Variants in ARHGEF28 observed in about 807,000 individuals in gnomAD.
ARHGEF28 encodes the protein 190 kDa guanine nucleotide exchange factor.
In ARHGEF28, 152 loss-of-function variants were observed where a neutral mutation model predicts 206.6. The ratio of observed to expected loss-of-function variants is 0.74; its 90% CI spans 0.64 to 0.84. The LOEUF is 0.84. ARHGEF28 is among the 40% of genes least tolerant of loss of function. The pLI is 0.00. For missense variants in ARHGEF28, 2,028 were observed against 2,073.2 expected (o/e 0.98, Z 0.42); for synonymous variants, 763 against 776.4 (o/e 0.98, Z 0.29).
intron 16 of ARHGEF28, among the ~76,000 whole-genome samples, chr5:73,864,166 T>A (rs1388032479): frequency 6.6e-6 from 1 of 152,196 alleles, no homozygotes; most frequent in Non-Finnish European, 1.5e-5. Flanking sequence ...CAGCTTTCCA[T>A]GAGGACAGCC....
chr5:73,885,767 A>G (rs1761242399), intron 24 of ARHGEF28, 83 bp from the exon 25 acceptor site: 1 of 1,358,734 alleles, frequency 7.4e-7, no homozygotes, highest in Non-Finnish European at 9.8e-7. Context: ...ACTATATTTT[A>G]AAACTAAAGA....
At chr5:73,735,942 C>A (rs1485689818) in intron 2 of ARHGEF28, among the ~76,000 whole-genome samples, 1 of 152,322 alleles carries the variant, frequency 6.6e-6, no homozygotes, top group East Asian at 1.9e-4. Context: ...GTTACTCCCT[C>A]TCCCATCCAT....
At chr5:73,907,046 C>T (rs1394632607) in intron 33 of ARHGEF28, among the ~76,000 whole-genome samples, 1 of 152,174 alleles carries the variant, frequency 6.6e-6, no homozygotes, top group Non-Finnish European at 1.5e-5. Context: ...TGTTAAATCA[C>T]AGTGGTAATA....
chr5:73,867,656 A>T (rs1480309553), intron 18 of ARHGEF28, among the ~76,000 whole-genome samples: 2 of 152,182 alleles, frequency 1.3e-5, no homozygotes, highest in Non-Finnish European at 2.9e-5. Flanking sequence ...CCAAGTGGAG[A>T]TGCGGAAGCA....
At chr5:73,759,118 C>T (rs553717039) in intron 4 of ARHGEF28, among the ~76,000 whole-genome samples, 1 of 150,500 alleles carries the variant, frequency 6.6e-6, no homozygotes, top group South Asian at 2.1e-4. Context: ...CCAAAGAAAA[C>T]CAATTGGTGG....
intron 16 of ARHGEF28, chr5:73,863,368 T>C (rs1759513639): frequency 6.6e-6 from 1 of 152,176 alleles, no homozygotes; most frequent in South Asian, 2.1e-4. Context: ...GTAAGTATGA[T>C]TTCTGCTATC....
intron 15 of ARHGEF28, 133 bp from the exon 16 acceptor site, chr5:73,857,954 C>T: frequency 7.1e-7 from 1 of 1,405,622 alleles, no homozygotes; most frequent in Non-Finnish European, 9.6e-7. Flanking sequence ...TGGTGTCCCT[C>T]TGTGTGCAGT....
intron 2 of ARHGEF28, among the ~76,000 whole-genome samples, chr5:73,723,953 G>T (rs1206417321): frequency 6.6e-6 from 1 of 152,224 alleles, no homozygotes; most frequent in African/African-American, 2.4e-5. Context: ...AAAGTATCAG[G>T]CCTCTGTCTC....
At chr5:73,756,314 G>A (rs77623777) in intron 4 of ARHGEF28, among the ~76,000 whole-genome samples, 1,844 of 152,290 alleles carry the variant, frequency 0.012, 26 homozygotes, top group Middle Eastern at 0.041. Context: ...GTAGAAAGCA[G>A]ATACAATTGG....
In ARHGEF28 at chr5:73,813,432, T is replaced by G. The variant is rs540935855; in HGVS notation, c.1024+18041T>G. 1.0e-5 allele frequency: 14 copies of G among 1,391,038 alleles called. No homozygotes were observed. In the African/African-American group the frequency reaches 1.9e-4, roughly 19 times the overall value. The allele number at this position is 1,391,038 out of a possible 1,614,324, so 86.2% of individuals were successfully genotyped here. A position where few individuals can be genotyped will look rare whatever the true frequency, so the allele number is the denominator to read the frequency against. ...CTGAATGCCCGAAGGAAGCAAAACATTTATTGCCTTTCCCTCCCTGGTGTG... is the reference window on the plus strand; with the variant it reads ...CTGAATGCCCGAAGGAAGCAAAACAGTTATTGCCTTTCCCTCCCTGGTGTG... On this transcript the variant is annotated intron_variant, in intron 9 of 35. Coordinates refer to ENST00000513042, the MANE Select transcript of ARHGEF28 (RefSeq NM_001177693.2).
At chr5:73,923,204 A>G in intron 35 of ARHGEF28, 3 of 1,493,256 alleles carry the variant, frequency 2.0e-6, no homozygotes, top group Non-Finnish European at 2.7e-6. Context: ...CTTTTAGGGT[A>G]CTCCACTCAA....
At chr5:73,679,364 C>T (rs749393574) in intron 1 of ARHGEF28, among the ~76,000 whole-genome samples, 20 of 152,052 alleles carry the variant, frequency 1.3e-4, no homozygotes, top group Admixed American at 2.6e-4. Context: ...GTCAGGAGTT[C>T]GAGACCAGCC....
intron 11 of ARHGEF28, 78 bp downstream of exon 11, chr5:73,840,838 A>C: frequency 7.0e-7 from 1 of 1,420,528 alleles, no homozygotes; most frequent in Non-Finnish European, 9.4e-7. Flanking sequence ...TCTAGTTTTA[A>C]ACTTTTTATT....
chr5:73,637,610 A>G (rs1743808646), intron 1 of ARHGEF28, among the ~76,000 whole-genome samples: 3 of 152,246 alleles, frequency 2.0e-5, no homozygotes, highest in Non-Finnish European at 4.4e-5. Context: ...AAGCCCTCTT[A>G]TCATTTAGGA....
chr5:73,631,319 T>A (rs974399815), intron 1 of ARHGEF28, among the ~76,000 whole-genome samples: 2 of 152,240 alleles, frequency 1.3e-5, no homozygotes, highest in Non-Finnish European at 2.9e-5. Flanking sequence ...TGTCTGTACA[T>A]TGTCACTGGT....
intron 2 of ARHGEF28, among the ~76,000 whole-genome samples, chr5:73,700,257 G>T (rs546301155): frequency 6.6e-6 from 1 of 152,250 alleles, no homozygotes; most frequent in Non-Finnish European, 1.5e-5. Flanking sequence ...GTGTGTGTGT[G>T]TTTTTAAATG....
At chr5:73,912,959 A>G (rs1270584188) in intron 35 of ARHGEF28, among the ~76,000 whole-genome samples, 1 of 152,344 alleles carries the variant, frequency 6.6e-6, no homozygotes, top group East Asian at 1.9e-4. Flanking sequence ...GCTTTTGTTT[A>G]AAAGAAGCAT....
intron 10 of ARHGEF28, 126 bp downstream of exon 10, chr5:73,832,585 G>C (rs1757364611): frequency 7.7e-7 from 1 of 1,293,498 alleles, no homozygotes; most frequent in Admixed American, 2.4e-5. Context: ...AGAGGATGCT[G>C]TTGTGGGGTC....
In ARHGEF28 at chr5:73,776,703, A is replaced by T. The variant is rs1255253400; in HGVS notation, c.840+7A>T. 1 of 1,602,838 alleles carries T rather than the reference A, an allele frequency of 6.2e-7. No individual in the cohort carries two copies. Among genetic ancestry groups the T allele is most frequent in the Non-Finnish European group, 8.5e-7 (1 of 1,172,538 alleles). The stretch of plus-strand genomic sequence containing the variant: ...TAGAGCCTTTCTTGTCAAGGTTTGT[A>T]CATAGTGATTCTAGCATGTGATAAT... On this transcript the variant is annotated splice_region_variant and intron_variant, in intron 6 of 35. Coordinates refer to ENST00000513042, the MANE Select transcript of ARHGEF28 (RefSeq NM_001177693.2).
Sources: gnomAD v4.1 joint callset for allele counts (sites outside exome capture counted in the v4.1 genomes callset) on GRCh38, gnomAD v4.1.1 for gene constraint, MANE v1.5 for transcripts, NCBI Gene and HGNC (gene_info 2026-07-23, HGNC 2026-07-21) for gene names.